Variants in COL12A1 observed in about 807,000 individuals in gnomAD.
COL12A1 encodes collagen type XII alpha 1 chain, also known as collagen alpha-1(XII) chain.
COL12A1 carries 114 observed loss-of-function variants against 349.7 expected under a neutral mutation model. That is an observed-to-expected ratio of 0.33 (90% CI 0.28 to 0.38). COL12A1 has a LOEUF of 0.38. Among genes scored for constraint, COL12A1 ranks in the 10% least tolerant of loss-of-function variants. COL12A1 has a pLI of 1.00. For missense variants in COL12A1, 3,284 were observed against 3,756.9 expected, an observed-to-expected ratio of 0.87 and a Z score of 3.29; for synonymous variants, 1,369 against 1,329.0, an observed-to-expected ratio of 1.03 and a Z score of -0.66.
intron 13 of COL12A1, 35 bp downstream of exon 13, chr6:75,175,003 G>A (rs1358770926): frequency 1.2e-6 from 2 of 1,608,558 alleles, no homozygotes; most frequent in East Asian, 2.2e-5. Context: ...CCACAAACAA[G>A]TTCCTGGATT....
intron 1 of COL12A1, among the ~76,000 whole-genome samples, chr6:75,204,381 G>C (rs939273758): frequency 8.6e-5 from 13 of 151,958 alleles, no homozygotes; most frequent in African/African-American, 3.1e-4. Context: ...ACGAAAACCT[G>C]AGTGGTAACA....
At position 75,175,093 on chromosome 6, in the gene COL12A1, G is replaced by A. The variant is rs2149451872; in HGVS notation, c.2655C>T (p.Ala885=). The change falls in exon 13 of 66, where the codon GCC becomes GCT. Residue 885 remains alanine, a synonymous_variant. Coordinates refer to ENST00000322507, the MANE Select transcript of COL12A1 (RefSeq NM_004370.6). ...CGTCTCCAGCCCCAGACGCATACAA[G>A]GCTGTCACAGATAAGGCGTATTGTG... ...EGTQYALSVT[A]LYASGAGDAL... is the part of the protein sequence containing the mutation. 2 of 1,614,116 alleles carry A rather than the reference G, an allele frequency of 1.2e-6. No individual in the cohort carries two copies. The highest frequency in any genetic ancestry group is 2.2e-5 in the East Asian group (1 of 44,870).
At chr6:75,111,399 T>G (rs1768834100) in intron 51 of COL12A1, among the ~76,000 whole-genome samples, 1 of 151,824 alleles carries the variant, frequency 6.6e-6, no homozygotes, top group African/African-American at 2.4e-5. Context: ...CAAAAAAAAT[T>G]GTCTGATTTG....
At position 75,165,009 on chromosome 6, in the gene COL12A1, C is replaced by T. The variant is rs932515159; in HGVS notation, c.2983+498G>A. ...TGTATGATAATCATAGTTTCAATAG[C>T]GATCAATCATTTATCAATCATCTCT... On this transcript the variant is annotated intron_variant, in intron 14 of 65. Coordinates refer to ENST00000322507, the MANE Select transcript of COL12A1 (RefSeq NM_004370.6). Among the ~76,000 whole-genome samples the T allele has an allele frequency of 2.2e-4, 34 of 151,956 alleles. 1 individual carries two copies. Among genetic ancestry groups the T allele is most frequent in the South Asian group, 2.1e-4 (1 of 4,802 alleles).
chr6:75,101,779 C>CA, intron 57 of COL12A1, 126 bp from the exon 58 acceptor site: 1 of 1,133,592 alleles, frequency 8.8e-7, no homozygotes, highest in Non-Finnish European at 1.3e-6. Context: ...AGAACAGAGC[C>CA]AAGCACATTG....
intron 8 of COL12A1, among the ~76,000 whole-genome samples, chr6:75,186,589 A>G (rs1382487243): frequency 4.6e-5 from 7 of 152,198 alleles, no homozygotes; most frequent in Non-Finnish European, 1.5e-5. Flanking sequence ...GAACAGAAAC[A>G]CCATTTAACC....
chr6:75,152,363 A>G lies in COL12A1; in HGVS notation c.3685T>C (p.Phe1229Leu). Residue 1229 changes from phenylalanine (F) to leucine (L), a missense_variant, in exon 18 of 66, where the codon TTT (phenylalanine) becomes CTT (leucine). Physicochemically the swap from Phe to Leu is conservative, Grantham distance 22. This residue lies in a region of COL12A1 where 2,601 missense variants were observed against 2,824.8 expected (regional missense o/e 0.92). Transcript: ENST00000322507. ...RSFISRIVEV[F>L]DIGPKRVQIA... is the part of the protein sequence containing the mutation. ...TGTACTCTTTTGGGGCCAATGTCAA[A>G]GACTTCCACAATACGAGAAATGAAA... 6.2e-7 allele frequency: 1 copy of G among 1,613,624 alleles called. No homozygotes were observed. The highest frequency in any genetic ancestry group is 8.5e-7 in the Non-Finnish European group (1 of 1,179,712).
Position 75,123,314 on chromosome 6 carries a change from A to G in COL12A1, c.6946+16T>C, listed in dbSNP as rs1197690480. 1.2e-6 allele frequency: 2 copies of G among 1,604,076 alleles called. No individual in the cohort carries two copies. The highest frequency in any genetic ancestry group is 1.7e-6 in the Non-Finnish European group (2 of 1,173,766). ...TCCCTATCAGCTGAACGTATTGCCTATTTAGCTGTACTTACCATCCCGGGC... is the reference window on the plus strand; with the variant it reads ...TCCCTATCAGCTGAACGTATTGCCTGTTTAGCTGTACTTACCATCCCGGGC... On this transcript the variant is annotated intron_variant, in intron 43 of 65. Transcript: ENST00000322507.
chr6:75,085,406 GCA>G lies in COL12A1; in HGVS notation c.*1139_*1140del, dbSNP rs59844830. 2.7e-3 allele frequency: 1,145 copies of G among 422,974 alleles called. 5 individuals are homozygous for G. The highest frequency in any genetic ancestry group is 8.9e-3 in the South Asian group (512 of 57,558). 26.2% of individuals were successfully genotyped at this position (422,974 alleles called of 1,614,324 possible). On this transcript the variant is annotated 3_prime_UTR_variant, in exon 66 of 66. Transcript: ENST00000322507. ...TTACAATTATGGCATGATTTGGAAG[GCA>G]CACACACACACACACAGCAAAAGCT...
In COL12A1 at chr6:75,142,045, A is replaced by G. The variant is rs1766916044; in HGVS notation, c.4944T>C (p.Ala1648=). ...AGCACAACTCACGGGTAGTTTCTTG[A>G]GCAGTCACTGGAGGAGACTCCCCCT... is the stretch of plus-strand genomic sequence containing the variant. ...HDEGESPPVT[A]QETTRPVPAP... The change falls in exon 27 of 66, where the codon GCT becomes GCC. Residue 1648 remains alanine (A), a synonymous_variant. Transcript: ENST00000322507. 1.2e-6 allele frequency: 2 copies of G among 1,613,974 alleles called. No individual in the cohort carries two copies. The highest frequency in any genetic ancestry group is 1.7e-5 in the Admixed American group (1 of 60,000).
At chr6:75,140,091 G>A (rs1766819583) in intron 27 of COL12A1, among the ~76,000 whole-genome samples, 1 of 152,128 alleles carries the variant, frequency 6.6e-6, no homozygotes, top group South Asian at 2.1e-4. Context: ...AATCTTAAGG[G>A]AAAATATATA....
Position 75,181,093 on chromosome 6 carries a change from A to G in COL12A1, c.2010T>C (p.Ala670=). Residue 670 remains alanine, a synonymous_variant, in exon 11 of 66, where the codon GCT becomes GCC. Transcript: ENST00000322507. ...FSYHITYKEA[A]GDDEVTVVEP... is the part of the protein sequence containing the mutation. ...CCACCACAGTGACCTCATCATCCCC[A>G]GCCGCTTCCTTGTAGGTGATGTGAT... 6.2e-7 allele frequency: 1 copy of G among 1,614,076 alleles called. No homozygotes were observed. Among genetic ancestry groups the G allele is most frequent in the African/African-American group, 1.3e-5 (1 of 74,996 alleles).
intron 49 of COL12A1, among the ~76,000 whole-genome samples, chr6:75,114,417 G>A (rs1055119464): frequency 2.0e-5 from 3 of 151,998 alleles, no homozygotes; most frequent in Non-Finnish European, 2.9e-5. Flanking sequence ...TTGGCCCTCA[G>A]CTGTAAGACA....
chr6:75,161,880 C>A (rs954207603), intron 14 of COL12A1, among the ~76,000 whole-genome samples: 1 of 152,140 alleles, frequency 6.6e-6, no homozygotes, highest in Non-Finnish European at 1.5e-5. Context: ...ACAGCCAAAT[C>A]ATGAGTGAAC....
At chr6:75,203,881 T>A (rs952414327) in intron 1 of COL12A1, among the ~76,000 whole-genome samples, 3 of 152,124 alleles carry the variant, frequency 2.0e-5, no homozygotes, top group African/African-American at 7.2e-5. Context: ...AGCCTAGGCC[T>A]CAGGAAAAAT....
chr6:75,181,712 C>A (rs950800015), intron 10 of COL12A1, among the ~76,000 whole-genome samples: 85 of 151,714 alleles, frequency 5.6e-4, no homozygotes, highest in Admixed American at 5.4e-3. Context: ...TAGAAAGAGA[C>A]AATGTTTAAC....
Position 75,106,294 on chromosome 6 carries a change from AT to A in COL12A1, c.8178+124del, listed in dbSNP as rs1768541078. On this transcript the variant is annotated intron_variant, in intron 53 of 65. Transcript: ENST00000322507. ...TGTAGTAGCTGGTGAGCACCCACAC[AT>A]TGCGTGTCTTTTAGCTCCATCCTGA... The A allele has an allele frequency of 3.9e-6, 3 of 774,618 alleles. No individual in the cohort carries two copies. The South Asian group carries it at 5.3e-5, about 14-fold the overall frequency. The allele number at this position is 774,618 out of a possible 1,614,324, so 48.0% of individuals were successfully genotyped here.
rs1457239074 is a variant in COL12A1, at chr6:75,085,750, GT to G, written c.*796del. On this transcript the variant is annotated 3_prime_UTR_variant, in exon 66 of 66. Coordinates refer to ENST00000322507, the MANE Select transcript of COL12A1 (RefSeq NM_004370.6). ...TGGAAAGATGAGGAGGTGAGGGGAA[GT>G]TTCATTGGCTCCTAGAAACTGAACT... The G allele has an allele frequency of 4.7e-6, 1 of 211,066 alleles. No homozygotes were observed. Among genetic ancestry groups the G allele is most frequent in the Admixed American group, 5.2e-5 (1 of 19,366 alleles). The allele number at this position is 211,066 out of a possible 1,614,324, so 13.1% of individuals were successfully genotyped here. A position where few individuals can be genotyped will look rare whatever the true frequency, so the allele number is the denominator to read the frequency against.
At chr6:75,145,605 T>C (rs1767137591) in intron 24 of COL12A1, 150 bp from the exon 25 acceptor site, 1 of 764,932 alleles carries the variant, frequency 1.3e-6, no homozygotes, top group Non-Finnish European at 1.9e-6. Flanking sequence ...TCCATGCTGA[T>C]GTTTTCTTTT....
Sources: allele counts gnomAD v4.1 joint callset (sites outside exome capture counted in the v4.1 genomes callset), GRCh38; gene constraint gnomAD v4.1.1; regional missense constraint gnomAD v4.1.1; transcripts MANE v1.5; gene names NCBI Gene and HGNC (gene_info 2026-07-23, HGNC 2026-07-21).